Variants in EZH2 observed in about 807,000 individuals in gnomAD.
EZH2 encodes the protein histone-lysine N-methyltransferase EZH2.
Under a neutral mutation model 98.4 loss-of-function variants are expected in EZH2, and 18 were observed. The observed-to-expected ratio is 0.18, with a 90% CI of 0.13 to 0.27. EZH2 has a LOEUF of 0.27. EZH2 is among the 10% of genes least tolerant of loss of function. EZH2 has a pLI of 1.00. For missense variants in EZH2, 470 were observed against 935.1 expected (o/e 0.50, Z 6.49); for synonymous variants, 338 against 312.3 (o/e 1.08, Z -0.87).
In EZH2 at chr7:148,826,606, A is replaced by G; in HGVS notation, c.755T>C (p.Leu252Pro). ...EKYKELTEQQ[L>P]PGALPPECTP... ...ACATTCAGGAGGAAGTGCGCCTGGG[A>G]GCTGCTGTTCGGTGAGTTCTTTATA... The change falls in exon 8 of 20, where the codon CTC becomes CCC. Residue 252 changes from leucine to proline, a missense_variant. Leu to Pro is a moderately conservative substitution (Grantham distance 98). This residue lies in a region of EZH2 where 192 missense variants were observed against 306.8 expected (regional missense o/e 0.63). Transcript: ENST00000320356. 1.3e-6 allele frequency: 2 copies of G among 1,551,846 alleles called. No homozygotes were observed. The highest frequency in any genetic ancestry group is 1.7e-6 in the Non-Finnish European group (2 of 1,145,900).
In EZH2 at chr7:148,855,421, A is replaced by C. The variant is rs546269493; in HGVS notation, c.-7-8116T>G. Among the ~76,000 whole-genome samples the C allele has an allele frequency of 2.6e-5, 4 of 152,360 alleles. No homozygotes were observed. In the South Asian group the frequency reaches 8.3e-4, roughly 32 times the overall value. ...AGCTCATTCCCTGGGTTCAGATCCA[A>C]GTTCTCCCACTTAGCAGCTGGGTGT... On this transcript the variant is annotated intron_variant, in intron 1 of 19. Coordinates refer to ENST00000320356, the MANE Select transcript of EZH2 (RefSeq NM_004456.5).
At chr7:148,823,826 T>TTA (rs543214774) in intron 8 of EZH2, among the ~76,000 whole-genome samples, 384 of 151,946 alleles carry the variant, frequency 2.5e-3, no homozygotes, top group Non-Finnish European at 4.1e-3. Context: ...CATCTTCATA[T>TTA]TAATACTTTT....
chr7:148,818,123 AAATG>A lies in EZH2; in HGVS notation c.1000-10_1000-7del, dbSNP rs749425082. ...GCAAACTCCTTTGCTCCCTCCTACG[AAATG>A]AAAAATGTCAACATCAGGGCAAAGT... On this transcript the variant is annotated splice_region_variant and splice_polypyrimidine_tract_variant and intron_variant, in intron 9 of 19. Transcript: ENST00000320356. 2.6e-6 allele frequency: 4 copies of A among 1,543,674 alleles called. No individual in the cohort carries two copies. Among genetic ancestry groups the A allele is most frequent in the Non-Finnish European group, 3.5e-6 (4 of 1,149,314 alleles).
chr7:148,878,451 C>A (rs1315761984), intron 1 of EZH2, among the ~76,000 whole-genome samples: 1 of 152,178 alleles, frequency 6.6e-6, no homozygotes, highest in African/African-American at 2.4e-5. Context: ...AATTTCACTC[C>A]TTTTATGTCT....
intron 3 of EZH2, among the ~76,000 whole-genome samples, chr7:148,844,090 T>C (rs1463105968): frequency 6.6e-6 from 1 of 152,218 alleles, no homozygotes; most frequent in Non-Finnish European, 1.5e-5. Context: ...GAATCAATAC[T>C]GCAGTCTGAA....
At chr7:148,842,788 G>A (rs917677450) in intron 3 of EZH2, among the ~76,000 whole-genome samples, 20 of 152,052 alleles carry the variant, frequency 1.3e-4, no homozygotes, top group African/African-American at 4.3e-4. Flanking sequence ...ATTAAGGGAC[G>A]GGTATGGTGA....
At position 148,847,289 on chromosome 7, in the gene EZH2, T is replaced by C; in HGVS notation, c.10A>G (p.Thr4Ala). 6.2e-7 allele frequency: 1 copy of C among 1,613,868 alleles called. No individual in the cohort carries two copies. The highest frequency in any genetic ancestry group is 1.1e-5 in the South Asian group (1 of 91,044). Reference sequence around the variant, plus strand: ...GGTCCCTTCTCAGATTTCTTCCCAGTCTGGCCCATGATTATTCTAAAAGCA... The same window carrying C: ...GGTCCCTTCTCAGATTTCTTCCCAGCCTGGCCCATGATTATTCTAAAAGCA... MGQ[T>A]GKKSEKGPVC... The change falls in exon 2 of 20, where the codon ACT becomes GCT. Residue 4 changes from threonine to alanine, a missense_variant. Coordinates refer to ENST00000320356, the MANE Select transcript of EZH2 (RefSeq NM_004456.5).
intron 8 of EZH2, among the ~76,000 whole-genome samples, chr7:148,824,830 C>A (rs530194957): frequency 6.6e-6 from 1 of 152,186 alleles, no homozygotes; most frequent in African/African-American, 2.4e-5. Context: ...GTGGGCCTAG[C>A]ACAGTTGGAC....
intron 3 of EZH2, among the ~76,000 whole-genome samples, chr7:148,844,708 T>C (rs1813520019): frequency 6.6e-6 from 1 of 152,202 alleles, no homozygotes. Flanking sequence ...TTAGGTATCT[T>C]TATATTCAAC....
chr7:148,883,907 C>T (rs1283148503), intron 1 of EZH2, among the ~76,000 whole-genome samples: 2 of 151,806 alleles, frequency 1.3e-5, no homozygotes, highest in African/African-American at 2.4e-5. Context: ...CCCCCCGCCC[C>T]GCAGCTCCAG....
At chr7:148,821,287 A>G (rs192007921) in intron 8 of EZH2, among the ~76,000 whole-genome samples, 7 of 152,298 alleles carry the variant, frequency 4.6e-5, no homozygotes, top group African/African-American at 1.7e-4. Context: ...CAGAAGACAA[A>G]ATGTGGAAAA....
At chr7:148,813,922 A>G in intron 15 of EZH2, 37 bp downstream of exon 15, 1 of 1,589,992 alleles carries the variant, frequency 6.3e-7, no homozygotes, top group Non-Finnish European at 8.6e-7. Flanking sequence ...TAAATAGCTA[A>G]CTACAAACAA....
chr7:148,860,336 A>G (rs949062040), intron 1 of EZH2, among the ~76,000 whole-genome samples: 4 of 152,090 alleles, frequency 2.6e-5, no homozygotes, highest in East Asian at 3.8e-4. Flanking sequence ...ATAGAAGAAA[A>G]AAAAAAAAAG....
At chr7:148,849,013 G>T (rs1189886001) in intron 1 of EZH2, among the ~76,000 whole-genome samples, 2 of 151,856 alleles carry the variant, frequency 1.3e-5, no homozygotes, top group African/African-American at 4.8e-5. Context: ...CTAATACAAT[G>T]TAAATGCCAT....
intron 8 of EZH2, among the ~76,000 whole-genome samples, chr7:148,822,289 C>T (rs1378865785): frequency 6.9e-6 from 1 of 144,690 alleles, no homozygotes; most frequent in Non-Finnish European, 1.5e-5. Context: ...GCGGGCAGAT[C>T]ACTTGAGGTC....
Position 148,866,573 on chromosome 7 carries a change from C to T in EZH2, c.-8+17591G>A, listed in dbSNP as rs577717169. On this transcript the variant is annotated intron_variant, in intron 1 of 19. Transcript: ENST00000320356. ...ATATATACATATATACATATATATACGTATATACATATATTGTATACACTA... is the reference window on the plus strand; with the variant it reads ...ATATATACATATATACATATATATATGTATATACATATATTGTATACACTA... Among the ~76,000 whole-genome samples, 9 of 130,688 alleles carry T rather than the reference C, an allele frequency of 6.9e-5. No homozygotes were observed. The East Asian group carries it at 8.9e-4, about 13-fold the overall frequency. The allele number at this position is 130,688 out of a possible 152,430, so 85.7% of individuals were successfully genotyped here. A position where few individuals can be genotyped will look rare whatever the true frequency, so the allele number is the denominator to read the frequency against.
At position 148,832,804 on chromosome 7, in the gene EZH2, T is replaced by C. The variant is rs370313187; in HGVS notation, c.247-54A>G. Reference sequence around the variant, plus strand: ...TAAGAATAAAAGGACAACCTTAAGCTGTAGCCATCATATTGTAAAGAGATG... The same window carrying C: ...TAAGAATAAAAGGACAACCTTAAGCCGTAGCCATCATATTGTAAAGAGATG... On this transcript the variant is annotated intron_variant, in intron 3 of 19. Coordinates refer to ENST00000320356, the MANE Select transcript of EZH2 (RefSeq NM_004456.5). 7 of 1,144,090 alleles carry C rather than the reference T, an allele frequency of 6.1e-6. No homozygotes were observed. In the African/African-American group the frequency reaches 1.1e-4, roughly 18 times the overall value. The allele number at this position is 1,144,090 out of a possible 1,614,324, so 70.9% of individuals were successfully genotyped here.
At chr7:148,878,799 T>C (rs1003667333) in intron 1 of EZH2, among the ~76,000 whole-genome samples, 2 of 151,988 alleles carry the variant, frequency 1.3e-5, no homozygotes, top group African/African-American at 4.8e-5. Context: ...CTTGGGAGGC[T>C]GAGATGGAAG....
chr7:148,824,301 C>T (rs558731337), intron 8 of EZH2, among the ~76,000 whole-genome samples: 7 of 133,670 alleles, frequency 5.2e-5, no homozygotes, highest in East Asian at 4.2e-4. Context: ...AGCAACAGAA[C>T]GAGACTTCGT....
Sources: gnomAD v4.1 joint callset for allele counts (sites outside exome capture counted in the v4.1 genomes callset) on GRCh38, gnomAD v4.1.1 for gene constraint, gnomAD v4.1.1 regional missense constraint, MANE v1.5 for transcripts, NCBI Gene and HGNC (gene_info 2026-07-23, HGNC 2026-07-21) for gene names.